Variants in FBXL2 observed in about 807,000 individuals in gnomAD.
The protein encoded by FBXL2 is F-box/LRR-repeat protein 2.
FBXL2 carries 38 observed loss-of-function variants against 69.2 expected under a neutral mutation model. The observed-to-expected ratio is 0.55, with a 90% CI of 0.42 to 0.72. The LOEUF (loss-of-function observed/expected upper bound fraction) is 0.72. Ranked by LOEUF, FBXL2 falls within the 30% of genes least tolerant of loss-of-function variation. The pLI is 0.00. For synonymous variants in FBXL2, 192 were observed against 201.3 expected, an observed-to-expected ratio of 0.95 and a Z score of 0.39; for missense variants, 354 against 520.3, an observed-to-expected ratio of 0.68 and a Z score of 3.11.
At chr3:33,339,125 AACAGAC>A (rs2039818384) in intron 2 of FBXL2, among the ~76,000 whole-genome samples, 1 of 152,256 alleles carries the variant, frequency 6.6e-6, no homozygotes. Flanking sequence ...AAAGGACATG[AACAGAC>A]ACTTTTCAAA....
At chr3:33,416,774 T>C in the FBXL2 span, 523,558 of 1,610,356 alleles carry the variant, frequency 0.33, 93,416 homozygotes, top group Admixed American at 0.62. Context: ...TAATTTTCCA[T>C]TGATCTCAGG....
intron 2 of FBXL2, among the ~76,000 whole-genome samples, chr3:33,305,711 T>C (rs2036654868): frequency 6.6e-6 from 1 of 151,996 alleles, no homozygotes; most frequent in Non-Finnish European, 1.5e-5. Flanking sequence ...ATTATTACTT[T>C]AATTTGTTAG....
chr3:33,394,163 G>A (rs1388206564), intron 12 of FBXL2, among the ~76,000 whole-genome samples: 1 of 149,994 alleles, frequency 6.7e-6, no homozygotes, highest in African/African-American at 2.4e-5. Flanking sequence ...ACTATGGTGG[G>A]GGCACACGCC....
intron 2 of FBXL2, among the ~76,000 whole-genome samples, chr3:33,309,544 T>TA (rs34710055): frequency 0.1 from 15,257 of 151,298 alleles, 792 homozygotes; most frequent in African/African-American, 0.12. Context: ...GTTGGGTCTT[T>TA]AAAAAAAAAT....
chr3:33,408,066 A>C (rs977389114), downstream of FBXL2, among the ~76,000 whole-genome samples: 1 of 152,096 alleles, frequency 6.6e-6, no homozygotes, highest in Non-Finnish European at 1.5e-5. Flanking sequence ...CTTTGGCCTG[A>C]AGCATTAATT....
chr3:33,363,516 A>G (rs921378761), intron 4 of FBXL2, among the ~76,000 whole-genome samples: 9 of 152,194 alleles, frequency 5.9e-5, no homozygotes, highest in African/African-American at 1.7e-4. Flanking sequence ...TTCTTCCACA[A>G]TGCATTTCTG....
chr3:33,301,021 T>C (rs1168615091), intron 2 of FBXL2, among the ~76,000 whole-genome samples: 1 of 152,086 alleles, frequency 6.6e-6, no homozygotes, highest in East Asian at 1.9e-4. Context: ...CTACCCTTTC[T>C]AAGAAAAATG....
At chr3:33,375,452 G>T in intron 10 of FBXL2, 34 bp downstream of exon 10, 2 of 1,599,780 alleles carry the variant, frequency 1.3e-6, no homozygotes, top group Non-Finnish European at 1.7e-6. Flanking sequence ...TTGCAGCTCA[G>T]AGTTTGGCTG....
At chr3:33,408,462 C>T (rs146860197), downstream of FBXL2, among the ~76,000 whole-genome samples, 3 of 152,206 alleles carry the variant, frequency 2.0e-5, no homozygotes, top group Non-Finnish European at 4.4e-5. Flanking sequence ...CCCTCCAAAA[C>T]CACCCAATAT....
chr3:33,293,075 T>C (rs549471353), intron 1 of FBXL2, among the ~76,000 whole-genome samples: 1 of 152,318 alleles, frequency 6.6e-6, no homozygotes, highest in Admixed American at 6.5e-5. Context: ...AGGCTGGTCT[T>C]GGACTCCTGG....
At chr3:33,318,474 G>A (rs112060439) in intron 2 of FBXL2, among the ~76,000 whole-genome samples, 148 of 152,134 alleles carry the variant, frequency 9.7e-4, no homozygotes, top group Non-Finnish European at 1.7e-3. Flanking sequence ...TTGGCACTTC[G>A]TAATCTCTTC....
At chr3:33,286,849 A>G (rs1165657807) in intron 1 of FBXL2, among the ~76,000 whole-genome samples, 1 of 152,218 alleles carries the variant, frequency 6.6e-6, no homozygotes, top group African/African-American at 2.4e-5. Context: ...GGCGCGGGAT[A>G]TAATTTCCTG....
chr3:33,355,676 C>A (rs891125496), intron 2 of FBXL2, among the ~76,000 whole-genome samples: 5 of 152,216 alleles, frequency 3.3e-5, no homozygotes, highest in Non-Finnish European at 5.9e-5. Context: ...TATATCCAAT[C>A]CCTTACTCCC....
intron 2 of FBXL2, among the ~76,000 whole-genome samples, chr3:33,346,209 A>G (rs542858409): frequency 6.6e-6 from 1 of 152,292 alleles, no homozygotes; most frequent in East Asian, 1.9e-4. Flanking sequence ...CTGGGCAACA[A>G]GAGTGAAACT....
rs1272786358 is a variant in FBXL2 at position 33,378,159 on chromosome 3, C to G, written c.894+12C>G. ...AAGAATGCATCCTGGTGAGTGGACT[C>G]CTGACAGCCCTGCAGGGCAGCCTGC... is the stretch of plus-strand genomic sequence containing the variant. On this transcript the variant is annotated intron_variant, in intron 12 of 14. Transcript: ENST00000484457. 4.3e-6 allele frequency: 7 copies of G among 1,613,828 alleles called. No individual in the cohort carries two copies. The highest frequency in any genetic ancestry group is 5.9e-6 in the Non-Finnish European group (7 of 1,179,706).
intron 1 of FBXL2, among the ~76,000 whole-genome samples, chr3:33,284,372 AATC>A (rs1377412059): frequency 3.9e-5 from 6 of 152,182 alleles, no homozygotes; most frequent in African/African-American, 1.4e-4. Flanking sequence ...TGAGTTTCTT[AATC>A]CTGAGTTCTA....
intron 5 of FBXL2, among the ~76,000 whole-genome samples, chr3:33,368,064 G>A (rs2042064741): frequency 6.6e-6 from 1 of 152,150 alleles, no homozygotes; most frequent in Non-Finnish European, 1.5e-5. Context: ...TGTGATCACA[G>A]AACATAGTTA....
At chr3:33,312,802 T>C (rs2037328899) in intron 2 of FBXL2, among the ~76,000 whole-genome samples, 1 of 152,102 alleles carries the variant, frequency 6.6e-6, no homozygotes, top group African/African-American at 2.4e-5. Flanking sequence ...TTTTCAGGAA[T>C]AAGAGAGGAG....
intron 2 of FBXL2, 89 bp from the exon 3 acceptor site, chr3:33,358,878 G>A (rs1333320776): frequency 9.9e-6 from 7 of 706,022 alleles, no homozygotes; most frequent in Non-Finnish European, 1.6e-5. Context: ...TATGTATCCA[G>A]GTGGCGGATT....
Sources: allele counts gnomAD v4.1 joint callset (sites outside exome capture counted in the v4.1 genomes callset), GRCh38; gene constraint gnomAD v4.1.1; transcripts MANE v1.5; gene names NCBI Gene and HGNC (gene_info 2026-07-23, HGNC 2026-07-21).